CSMD1: variants seen among roughly 807,000 people sequenced by gnomAD.
The protein encoded by CSMD1 is CUB and sushi domain-containing protein 1.
Under a neutral mutation model 417.5 loss-of-function variants are expected in CSMD1, and 213 were observed. The observed-to-expected ratio is 0.51, with a 90% CI of 0.46 to 0.57. The LOEUF (loss-of-function observed/expected upper bound fraction) is 0.57, where lower values mean the gene tolerates loss of function less well. Among genes scored for constraint, CSMD1 ranks in the 20% least tolerant of loss-of-function variants. The pLI is 0.00. For synonymous variants in CSMD1, 2,862 were observed against 1,736.8 expected (o/e 1.65, Z -16.11); for missense variants, 6,923 against 4,529.7 (o/e 1.53, Z -15.17).
chr8:4,711,164 A>G (rs1237012629), intron 1 of CSMD1, among the ~76,000 whole-genome samples: 1 of 152,084 alleles, frequency 6.6e-6, no homozygotes, highest in African/African-American at 2.4e-5. Flanking sequence ...CTCACAAAAA[A>G]AAAAAACCAT....
intron 1 of CSMD1, among the ~76,000 whole-genome samples, chr8:4,984,995 T>A (rs868549590): frequency 1.3e-5 from 2 of 152,082 alleles, no homozygotes; most frequent in Non-Finnish European, 2.9e-5. Flanking sequence ...TCCTCTTTGT[T>A]AAAAATGTGA....
intron 5 of CSMD1, among the ~76,000 whole-genome samples, chr8:3,913,569 G>T (rs532365264): frequency 1.3e-5 from 2 of 152,156 alleles, no homozygotes; most frequent in Non-Finnish European, 2.9e-5. Context: ...CAAAGAATAC[G>T]GTCAGTGAGT....
At chr8:4,373,644 T>G (rs528859389) in intron 3 of CSMD1, among the ~76,000 whole-genome samples, 1 of 152,176 alleles carries the variant, frequency 6.6e-6, no homozygotes, top group Non-Finnish European at 1.5e-5. Flanking sequence ...TCTAAAAATA[T>G]TATGGAAGTT....
chr8:4,851,642 T>G (rs968035373), intron 1 of CSMD1, among the ~76,000 whole-genome samples: 3 of 152,096 alleles, frequency 2.0e-5, no homozygotes, highest in Admixed American at 6.5e-5. Flanking sequence ...TGGGATTACC[T>G]GACTTCTCAA....
chr8:3,425,309 G>T (rs140121117), intron 12 of CSMD1, among the ~76,000 whole-genome samples: 1 of 152,162 alleles, frequency 6.6e-6, no homozygotes, highest in Admixed American at 6.5e-5. Flanking sequence ...CCCTGTCCCA[G>T]CTGGGCAAGG....
At chr8:4,018,982 A>G (rs187056791) in intron 4 of CSMD1, among the ~76,000 whole-genome samples, 44 of 152,326 alleles carry the variant, frequency 2.9e-4, no homozygotes, top group Non-Finnish European at 5.1e-4. Context: ...CTTTGTGTTT[A>G]ACTCTGATTA....
chr8:3,991,224 A>G (rs1468373756), intron 5 of CSMD1, among the ~76,000 whole-genome samples: 1 of 152,222 alleles, frequency 6.6e-6, no homozygotes, highest in African/African-American at 2.4e-5. Flanking sequence ...AAAGAAAGCC[A>G]CCAATCAAGT....
chr8:4,498,354 A>G (rs1430775508), intron 2 of CSMD1, among the ~76,000 whole-genome samples: 1 of 152,154 alleles, frequency 6.6e-6, no homozygotes, highest in Non-Finnish European at 1.5e-5. Context: ...TTTCTTATGT[A>G]TTTATATAAT....
chr8:4,097,868 T>G (rs1184268822), intron 3 of CSMD1, among the ~76,000 whole-genome samples: 2 of 152,226 alleles, frequency 1.3e-5, no homozygotes, highest in Non-Finnish European at 2.9e-5. Flanking sequence ...ACTGTGTGAC[T>G]ACGTCTATCC....
chr8:4,299,408 G>C (rs1479891066), intron 3 of CSMD1, among the ~76,000 whole-genome samples: 3 of 152,160 alleles, frequency 2.0e-5, no homozygotes, highest in Non-Finnish European at 4.4e-5. Context: ...CAACATGAGA[G>C]AGGTGATTTT....
At chr8:3,776,841 C>G (rs775970431) in intron 5 of CSMD1, among the ~76,000 whole-genome samples, 1 of 119,748 alleles carries the variant, frequency 8.4e-6, no homozygotes, top group Non-Finnish European at 1.7e-5. Context: ...ACAGATCATA[C>G]ATAGAATGAC....
chr8:4,591,823 C>G (rs1034297509), intron 2 of CSMD1, among the ~76,000 whole-genome samples: 2 of 152,050 alleles, frequency 1.3e-5, no homozygotes, highest in African/African-American at 2.4e-5. Flanking sequence ...ACAGAAAGAC[C>G]GTCTAGGGGG....
At position 2,935,776 on chromosome 8, in the gene CSMD1, T is replaced by TTC. The variant is rs1295398933; in HGVS notation, c.*2807_*2808dup. ...GGTTTTCCTGATCATAATGCCAGCG[T>TTC]TCTTTTTTTTACCCCCTTTTTATAA... On this transcript the variant is annotated 3_prime_UTR_variant, in exon 70 of 70. Coordinates refer to ENST00000635120, the MANE Select transcript of CSMD1 (RefSeq NM_033225.6). 1 of 152,208 alleles carries TTC rather than the reference T, an allele frequency of 6.6e-6. No individual in the cohort carries two copies. Among genetic ancestry groups the TTC allele is most frequent in the Non-Finnish European group, 1.5e-5 (1 of 68,050 alleles). The allele number at this position is 152,208 out of a possible 1,614,324, so 9.4% of individuals were successfully genotyped here. A position where few individuals can be genotyped will look rare whatever the true frequency, so the allele number is the denominator to read the frequency against.
chr8:4,905,928 C>T (rs956503955), intron 1 of CSMD1, among the ~76,000 whole-genome samples: 3 of 152,072 alleles, frequency 2.0e-5, no homozygotes, highest in African/African-American at 7.2e-5. Context: ...TTTCCTTTCA[C>T]CAGTCCCAGT....
intron 3 of CSMD1, among the ~76,000 whole-genome samples, chr8:4,377,682 C>G (rs573683996): frequency 6.6e-6 from 1 of 152,252 alleles, no homozygotes; most frequent in Admixed American, 6.5e-5. Flanking sequence ...TTCTATTAAG[C>G]TTTTAAAAAT....
intron 2 of CSMD1, among the ~76,000 whole-genome samples, chr8:4,499,427 T>C (rs1204697983): frequency 6.6e-6 from 1 of 152,190 alleles, no homozygotes; most frequent in Non-Finnish European, 1.5e-5. Context: ...CATGCACACA[T>C]CTGACAGACG....
At chr8:4,980,014 G>A (rs189786244) in intron 1 of CSMD1, among the ~76,000 whole-genome samples, 1 of 152,278 alleles carries the variant, frequency 6.6e-6, no homozygotes, top group Non-Finnish European at 1.5e-5. Context: ...TCCAGCCTGG[G>A]CGACAGAGTG....
intron 12 of CSMD1, among the ~76,000 whole-genome samples, chr8:3,453,961 G>C (rs893286074): frequency 6.6e-6 from 1 of 152,064 alleles, no homozygotes; most frequent in Non-Finnish European, 1.5e-5. Context: ...CTCTTTGTAG[G>C]TCTCTAAGGA....
intron 49 of CSMD1, among the ~76,000 whole-genome samples, chr8:3,086,602 T>C (rs1033823715): frequency 6.6e-6 from 1 of 152,172 alleles, no homozygotes; most frequent in African/African-American, 2.4e-5. Flanking sequence ...AAAACCTGAT[T>C]TTTATGCACA....
Sources: allele counts gnomAD v4.1 joint callset (sites outside exome capture counted in the v4.1 genomes callset), GRCh38; gene constraint gnomAD v4.1.1; transcripts MANE v1.5; gene names NCBI Gene and HGNC (gene_info 2026-07-23, HGNC 2026-07-21).